The following CXCL16 variants were observed in gnomAD, a reference collection of about 807,000 sequenced individuals.
CXCL16 encodes the protein C-X-C motif chemokine ligand 16.
A neutral mutation model predicts 23.8 loss-of-function variants in CXCL16; 18 were observed. The ratio of observed to expected loss-of-function variants is 0.76; its 90% confidence interval spans 0.52 to 1.12. CXCL16 has a LOEUF of 1.12. CXCL16 is among the 50% of genes most tolerant of loss of function. The pLI is 0.00. For synonymous variants in CXCL16, 123 were observed against 132.5 expected (o/e 0.93, Z 0.49); for missense variants, 297 against 315.4 (o/e 0.94, Z 0.44).
At chr17:4,736,905 G>A (rs1245586533) in intron 3 of CXCL16, among the ~76,000 whole-genome samples, 14 of 151,788 alleles carry the variant, frequency 9.2e-5, no homozygotes, top group African/African-American at 2.4e-4. Flanking sequence ...TGCAACCTCC[G>A]CCTCCAGGTT....
rs1387297126 is a variant in CXCL16 at position 4,738,265 on chromosome 17, C to T, written c.301+143G>A. The T allele has an allele frequency of 6.2e-6, 4 of 641,056 alleles. No homozygotes were observed. Among genetic ancestry groups the T allele is most frequent in the Admixed American group, 6.2e-5 (2 of 32,462 alleles). 39.7% of individuals were successfully genotyped at this position (641,056 alleles called of 1,614,324 possible). On this transcript the variant is annotated intron_variant, in intron 3 of 5. Coordinates refer to ENST00000293778, the MANE Select transcript of CXCL16 (RefSeq NM_001386809.1). This position sits in a 1 kb window ranked among gnomAD's most constrained non-coding sequence, Gnocchi z 4.0. ...TCACCCCGTTTGGCAAACAGGGACT[C>T]GAGTCTAAGTACTTTGGACAGGATC...
At chr17:4,737,989 G>T (rs1218779267) in intron 3 of CXCL16, among the ~76,000 whole-genome samples, 1 of 151,340 alleles carries the variant, frequency 6.6e-6, no homozygotes, top group Non-Finnish European at 1.5e-5. Context: ...AATTAGCCAG[G>T]CTTGGTGGTG....
intron 4 of CXCL16, 60 bp downstream of exon 4, chr17:4,735,032 C>A: frequency 2.0e-6 from 3 of 1,509,654 alleles, no homozygotes; most frequent in South Asian, 2.5e-5. Context: ...GCCACTGGGT[C>A]AGGATGCCTG....
rs1170416882 is a variant in CXCL16, at chr17:4,733,749, G to C, written c.*754C>G. 6.5e-6 allele frequency: 1 copy of C among 153,600 alleles called. No individual in the cohort carries two copies. Among genetic ancestry groups the C allele is most frequent in the African/African-American group, 2.4e-5 (1 of 41,416 alleles). 9.5% of individuals were successfully genotyped at this position (153,600 alleles called of 1,614,324 possible). A position where few individuals can be genotyped will look rare whatever the true frequency, so the allele number is the denominator to read the frequency against. On this transcript the variant is annotated 3_prime_UTR_variant, in exon 6 of 6. Transcript: ENST00000293778. ...CGGGTACAGGAGGATGCAGGAGAGG[G>C]CTGAGGTGGGGGAGGAACAACTGGT...
Position 4,734,450 on chromosome 17 carries a change from A to G in CXCL16, c.*53T>C. On this transcript the variant is annotated 3_prime_UTR_variant, in exon 6 of 6. Coordinates refer to ENST00000293778, the MANE Select transcript of CXCL16 (RefSeq NM_001386809.1). ...GAGGATCACTTGACTCAGGAGTTCCATAACAGCCTGGGCAACATAGAGTCC... is the reference window on the plus strand; with the variant it reads ...GAGGATCACTTGACTCAGGAGTTCCGTAACAGCCTGGGCAACATAGAGTCC... 3.5e-6 allele frequency: 2 copies of G among 570,110 alleles called. No individual in the cohort carries two copies. Among genetic ancestry groups the G allele is most frequent in the Non-Finnish European group, 6.3e-6 (2 of 315,776 alleles). 35.3% of individuals were successfully genotyped at this position (570,110 alleles called of 1,614,324 possible).
chr17:4,736,979 G>A (rs1916170899), intron 3 of CXCL16, among the ~76,000 whole-genome samples: 1 of 151,838 alleles, frequency 6.6e-6, no homozygotes, highest in African/African-American at 2.4e-5. Flanking sequence ...CACCATGCCT[G>A]GCTAATTTTG....
chr17:4,737,542 C>T (rs940972302), intron 3 of CXCL16, among the ~76,000 whole-genome samples: 3 of 128,862 alleles, frequency 2.3e-5, no homozygotes, highest in African/African-American at 5.9e-5. Flanking sequence ...GGCACCATTG[C>T]ACTCCAGCCT....
intron 3 of CXCL16, among the ~76,000 whole-genome samples, chr17:4,736,847 T>G (rs943376748): frequency 3.9e-5 from 6 of 152,016 alleles, no homozygotes; most frequent in Admixed American, 3.9e-4. Context: ...TTTTCTTTCT[T>G]TTTTTTTGTT....
Position 4,735,109 on chromosome 17 carries a change from G to A in CXCL16, c.701C>T (p.Ser234Leu). 6.2e-7 allele frequency: 1 copy of A among 1,609,922 alleles called. No individual in the cohort carries two copies. Among genetic ancestry groups the A allele is most frequent in the South Asian group, 1.1e-5 (1 of 91,040 alleles). Residue 234 changes from serine to leucine, a missense_variant, in exon 4 of 6, where the codon TCA becomes TTA. Transcript: ENST00000293778. ...YVLCKRRRGQ[S>L]PQSSPDLPVH... ...CAGTTTACCTGGAGAGGACTGCGGT[G>A]ACTGCCCCCTCCTCCTCTTGCACAG...
Position 4,738,347 on chromosome 17 carries a change from T to A in CXCL16, c.301+61A>T. The A allele has an allele frequency of 7.6e-7, 1 of 1,323,500 alleles. No homozygotes were observed. The highest frequency in any genetic ancestry group is 1.7e-5 in the Admixed American group (1 of 58,464). The allele number at this position is 1,323,500 out of a possible 1,614,324, so 82.0% of individuals were successfully genotyped here. ...GGGAAAAGGCTCAGGTAAAGAAAACTGTCAGGTGGAAGCTGCTAAGCCCTG... is the reference window on the plus strand; with the variant it reads ...GGGAAAAGGCTCAGGTAAAGAAAACAGTCAGGTGGAAGCTGCTAAGCCCTG... On this transcript the variant is annotated intron_variant, in intron 3 of 5. Transcript: ENST00000293778. This position sits in a 1 kb window ranked among gnomAD's most constrained non-coding sequence, Gnocchi z 4.0.
At position 4,739,502 on chromosome 17, in the gene CXCL16, C is replaced by G. The variant is rs1916280126; in HGVS notation, c.-163G>C. 1 of 1,040,194 alleles carries G rather than the reference C, an allele frequency of 9.6e-7. No individual in the cohort carries two copies. The highest frequency in any genetic ancestry group is 1.6e-5 in the African/African-American group (1 of 62,192). 64.4% of individuals were successfully genotyped at this position (1,040,194 alleles called of 1,614,324 possible). On this transcript the variant is annotated 5_prime_UTR_variant, in exon 1 of 6. Transcript: ENST00000293778. The surrounding 1 kb of genome is among the most constrained non-coding windows in gnomAD (Gnocchi z 5.3). ...GAGCCAGCTGCACCCCCCGGCCCTG[C>G]TGTGCCCCGACCGTGCGCTCAGTAC... is the stretch of plus-strand genomic sequence containing the variant.
chr17:4,736,888 G>A (rs377565586), intron 3 of CXCL16, among the ~76,000 whole-genome samples: 3 of 151,640 alleles, frequency 2.0e-5, no homozygotes, highest in Non-Finnish European at 2.9e-5. Flanking sequence ...GCCTGATCTC[G>A]GCTCACTGCA....
In CXCL16 at chr17:4,738,442, C is replaced by T; in HGVS notation, c.267G>A (p.Trp89Ter). The stretch of plus-strand genomic sequence containing the variant: ...CAAGACAGCTCATCAATTCCTGAAC[C>T]CATGGGTCCTTGTTGCCCCCACACA... Reference protein sequence around the residue: ...WSVCGGNKDPWVQELMSCLDL... With the variant: ...WSVCGGNKDP The change falls in exon 3 of 6, where the codon TGG (tryptophan) becomes TGA (stop). Residue 89 changes from tryptophan to a stop codon, truncating the protein, a stop_gained. Coordinates refer to ENST00000293778, the MANE Select transcript of CXCL16 (RefSeq NM_001386809.1). LOFTEE classifies it high-confidence loss of function. This position sits in a 1 kb window ranked among gnomAD's most constrained non-coding sequence, Gnocchi z 4.0. The T allele has an allele frequency of 6.2e-7, 1 of 1,614,110 alleles. No homozygotes were observed. Among genetic ancestry groups the T allele is most frequent in the Non-Finnish European group, 8.5e-7 (1 of 1,179,954 alleles).
Position 4,739,884 on chromosome 17 carries a change from G to A in CXCL16, c.-545C>T, listed in dbSNP as rs961536024. 9 of 985,628 alleles carry A rather than the reference G, an allele frequency of 9.1e-6. 1 individual carries two copies. The South Asian group carries it at 2.8e-4, about 31-fold the overall frequency. The allele number at this position is 985,628 out of a possible 1,614,324, so 61.1% of individuals were successfully genotyped here. The stretch of plus-strand genomic sequence containing the variant: ...GGCCCGGTGGAGAGAGTCGCCGCCA[G>A]CCCCGGCCGCGCGCACCTGCGGGGC... On this transcript the variant is annotated 5_prime_UTR_variant, in exon 1 of 6. Coordinates refer to ENST00000293778, the MANE Select transcript of CXCL16 (RefSeq NM_001386809.1). The surrounding 1 kb of genome is among the most constrained non-coding windows in gnomAD (Gnocchi z 5.3).
At position 4,738,585 on chromosome 17, in the gene CXCL16, G is replaced by T; in HGVS notation, c.219-95C>A. The T allele has an allele frequency of 9.0e-7, 1 of 1,109,904 alleles. No homozygotes were observed. The highest frequency in any genetic ancestry group is 1.3e-6 in the Non-Finnish European group (1 of 759,652). 68.8% of individuals were successfully genotyped at this position (1,109,904 alleles called of 1,614,324 possible). A position where few individuals can be genotyped will look rare whatever the true frequency, so the allele number is the denominator to read the frequency against. On this transcript the variant is annotated intron_variant, in intron 2 of 5. Transcript: ENST00000293778. The surrounding 1 kb of genome is among the most constrained non-coding windows in gnomAD (Gnocchi z 4.0). ...GGCGTGAAGTTGCCACCAAGAAAGA[G>T]CCCTTTCTCCTGGGACTGGGAAACT... is the stretch of plus-strand genomic sequence containing the variant.
intron 3 of CXCL16, among the ~76,000 whole-genome samples, chr17:4,737,233 A>G (rs746528641): frequency 1.3e-5 from 2 of 152,196 alleles, no homozygotes; most frequent in Non-Finnish European, 2.9e-5. Context: ...CTTAATATAC[A>G]TGCTGAAATG....
In CXCL16 at chr17:4,738,089, C is replaced by G. The variant is rs1916215440; in HGVS notation, c.301+319G>C. On this transcript the variant is annotated intron_variant, in intron 3 of 5. Transcript: ENST00000293778. The surrounding 1 kb of genome is among the most constrained non-coding windows in gnomAD (Gnocchi z 4.0). ...AGGTTGCAGTGAGCCAAGATCGTGC[C>G]ACTGCACTCCAGCCTGGGTGACAGA... Among the ~76,000 whole-genome samples, 1 of 151,940 alleles carries G rather than the reference C, an allele frequency of 6.6e-6. No homozygotes were observed. Among genetic ancestry groups the G allele is most frequent in the Admixed American group, 6.6e-5 (1 of 15,254 alleles).
At position 4,734,101 on chromosome 17, in the gene CXCL16, C is replaced by T. The variant is rs1131456; in HGVS notation, c.*402G>A. 57,619 of 156,650 alleles carry T rather than the reference C, an allele frequency of 0.37. 12,276 individuals carry two copies. Among genetic ancestry groups the T allele is most frequent in the East Asian group, 0.59 (3,095 of 5,218 alleles). The allele number at this position is 156,650 out of a possible 1,614,324, so 9.7% of individuals were successfully genotyped here. ...GTGAGCACCTGTAGTCCCAGCTACT[C>T]AGGAGGAGGCAGGAGAATCGCTTGA... On this transcript the variant is annotated 3_prime_UTR_variant, in exon 6 of 6. Coordinates refer to ENST00000293778, the MANE Select transcript of CXCL16 (RefSeq NM_001386809.1).
intron 3 of CXCL16, among the ~76,000 whole-genome samples, chr17:4,737,416 A>C (rs2150620199): frequency 6.7e-6 from 1 of 149,924 alleles, no homozygotes; most frequent in East Asian, 2.0e-4. Context: ...CATCTCTACT[A>C]AAAAAATACA....
Sources: allele counts gnomAD v4.1 joint callset (sites outside exome capture counted in the v4.1 genomes callset), GRCh38; gene constraint gnomAD v4.1.1; non-coding constraint Gnocchi (gnomAD v3.1); transcripts MANE v1.5; gene names NCBI Gene and HGNC (gene_info 2026-07-23, HGNC 2026-07-21).